RBFOX1: variants seen among roughly 807,000 people sequenced by gnomAD.
RBFOX1 encodes the protein RNA binding protein fox-1 homolog 1.
In RBFOX1, 8 loss-of-function variants were observed where a neutral mutation model predicts 57.7. The observed-to-expected ratio is 0.14, with a 90% CI of 0.08 to 0.25. The LOEUF (loss-of-function observed/expected upper bound fraction) is 0.25. Ranked by LOEUF, RBFOX1 falls within the 10% of genes least tolerant of loss-of-function variation. RBFOX1 has a pLI of 1.00. For missense variants in RBFOX1, 611 were observed against 548.5 expected (o/e 1.11, Z -1.14); for synonymous variants, 326 against 222.4 (o/e 1.47, Z -4.15).
At chr16:6,114,827 C>G (rs1321590055) in intron 1 of RBFOX1, among the ~76,000 whole-genome samples, 1 of 152,168 alleles carries the variant, frequency 6.6e-6, no homozygotes, top group African/African-American at 2.4e-5. Context: ...TGGTGTTAGA[C>G]AGCAGTCTTC....
rs374114830 is a variant in RBFOX1, at chr16:6,102,586, G to A, written c.-127+82594G>A. 2.0e-5 allele frequency among the ~76,000 whole-genome samples: 3 copies of A among 151,808 alleles called. No individual in the cohort carries two copies. The East Asian group carries it at 5.8e-4, about 30-fold the overall frequency. The stretch of plus-strand genomic sequence containing the variant: ...CTCCACCCTCCCACCCCTTCCAGCA[G>A]CTCACGCCACGTCTTCCCTCTCCCT... On this transcript the variant is annotated intron_variant, in intron 1 of 15. Transcript: ENST00000550418.
At chr16:6,257,214 CT>C (rs1361368910) in intron 1 of RBFOX1, among the ~76,000 whole-genome samples, 1 of 152,018 alleles carries the variant, frequency 6.6e-6, no homozygotes, top group Non-Finnish European at 1.5e-5. Flanking sequence ...AACCCCTCAC[CT>C]AGGTATTAAG....
intron 4 of RBFOX1, among the ~76,000 whole-genome samples, chr16:7,398,787 TCATTGTGGGG>T (rs1390929259): frequency 6.6e-6 from 1 of 152,224 alleles, no homozygotes; most frequent in Non-Finnish European, 1.5e-5. Flanking sequence ...CCAGCTATTT[TCATTGTGGGG>T]TTAGACTCCC....
intron 4 of RBFOX1, among the ~76,000 whole-genome samples, chr16:7,141,073 A>T (rs1600755691): frequency 6.6e-6 from 1 of 152,152 alleles, no homozygotes. Flanking sequence ...GAACCTCCTG[A>T]CGATGAGCTG....
intron 1 of RBFOX1, among the ~76,000 whole-genome samples, chr16:5,305,135 G>A (rs2063902089): frequency 6.6e-6 from 1 of 152,182 alleles, no homozygotes; most frequent in African/African-American, 2.4e-5. Context: ...TGAACGGGTA[G>A]CCTTACAGAA....
chr16:5,774,046 G>A (rs2054065975), intron 3 of RBFOX1, among the ~76,000 whole-genome samples: 1 of 152,178 alleles, frequency 6.6e-6, no homozygotes, highest in African/African-American at 2.4e-5. Flanking sequence ...ATAGGTCATA[G>A]TCATTTACAT....
intron 4 of RBFOX1, among the ~76,000 whole-genome samples, chr16:7,278,359 C>G (rs979898055): frequency 2.6e-5 from 4 of 152,094 alleles, no homozygotes; most frequent in African/African-American, 4.8e-5. Context: ...TAAATTTACC[C>G]AAGATCAAAA....
chr16:5,992,926 G>T (rs150324593), intron 4 of RBFOX1, among the ~76,000 whole-genome samples: 1 of 152,156 alleles, frequency 6.6e-6, no homozygotes, highest in Non-Finnish European at 1.5e-5. Context: ...GTCAGAGTAA[G>T]ACTCTGTCTC....
chr16:5,764,166 T>C (rs1375236697), intron 3 of RBFOX1, among the ~76,000 whole-genome samples: 2 of 152,148 alleles, frequency 1.3e-5, no homozygotes, highest in Non-Finnish European at 2.9e-5. Context: ...GTAGGATGAT[T>C]GCATTTGGGC....
intron 4 of RBFOX1, among the ~76,000 whole-genome samples, chr16:7,401,760 C>T (rs146895004): frequency 5.1e-4 from 77 of 152,206 alleles, no homozygotes; most frequent in Non-Finnish European, 9.9e-4. Context: ...ACTCAACAGA[C>T]ATATTGGCAC....
chr16:7,569,973 A>T (rs967433713), intron 5 of RBFOX1, among the ~76,000 whole-genome samples: 3 of 152,144 alleles, frequency 2.0e-5, no homozygotes, highest in African/African-American at 7.2e-5. Context: ...TTCACATGTC[A>T]TTTTTTCAAA....
At position 5,879,631 on chromosome 16, in the gene RBFOX1, A is replaced by G. The variant is rs117684692; in HGVS notation, c.351+12296A>G. 2.0e-4 allele frequency among the ~76,000 whole-genome samples: 31 copies of G among 152,160 alleles called. No individual in the cohort carries two copies. The East Asian group carries it at 2.1e-3, about 10-fold the overall frequency. On this transcript the variant is annotated intron_variant, in intron 4 of 19. Transcript: ENST00000641259. ...AGGCGTGAGCCACCACGCCTGATCT[A>G]TTTTCTTATTTAGTTCATACATTAG...
chr16:6,682,563 C>T (rs1027694841), intron 3 of RBFOX1, among the ~76,000 whole-genome samples: 3 of 152,022 alleles, frequency 2.0e-5, no homozygotes, highest in Non-Finnish European at 2.9e-5. Context: ...TGCTTTGCTG[C>T]GGAGAGTGTC....
intron 3 of RBFOX1, among the ~76,000 whole-genome samples, chr16:5,774,776 G>C (rs942909162): frequency 6.6e-6 from 1 of 152,076 alleles, no homozygotes; most frequent in African/African-American, 2.4e-5. Flanking sequence ...TCCACCTCCC[G>C]AGTTCAAGCA....
At chr16:5,395,582 G>T (rs1055679855) in intron 1 of RBFOX1, among the ~76,000 whole-genome samples, 1 of 152,212 alleles carries the variant, frequency 6.6e-6, no homozygotes, top group Non-Finnish European at 1.5e-5. Flanking sequence ...ATGTGGTGGA[G>T]ACGTTCAGGT....
intron 4 of RBFOX1, among the ~76,000 whole-genome samples, chr16:7,320,436 C>G (rs536370553): frequency 2.2e-4 from 33 of 152,310 alleles, no homozygotes; most frequent in African/African-American, 7.9e-4. Flanking sequence ...GCATAGTATT[C>G]CATGGTGGGT....
intron 3 of RBFOX1, among the ~76,000 whole-genome samples, chr16:5,724,665 G>A (rs2052068120): frequency 6.6e-6 from 1 of 152,096 alleles, no homozygotes; most frequent in African/African-American, 2.4e-5. Context: ...AAATAGAGAT[G>A]GTTTTTCTTC....
chr16:5,729,396 CTTTTTTTTTTTT>C, intron 3 of RBFOX1, among the ~76,000 whole-genome samples: 1 of 111,462 alleles, frequency 9.0e-6, no homozygotes. Context: ...TTTTTCTTTT[CTTTTTTTTTTTT>C]TTTTTTTGCC....
In RBFOX1 at chr16:6,503,019, A is replaced by C. The variant is rs777184471; in HGVS notation, c.-63-151584A>C. Among the ~76,000 whole-genome samples the C allele has an allele frequency of 2.6e-5, 4 of 152,204 alleles. 1 individual carries two copies. The South Asian group carries it at 8.3e-4, about 31-fold the overall frequency. On this transcript the variant is annotated intron_variant, in intron 2 of 15. Coordinates refer to ENST00000550418, the MANE Select transcript of RBFOX1 (RefSeq NM_018723.4). ...AATGTATAGATAGATAAATGGGGAAAAGGATGGTAAAAAGTAGTATAATAT... is the reference window on the plus strand; with the variant it reads ...AATGTATAGATAGATAAATGGGGAACAGGATGGTAAAAAGTAGTATAATAT...
Sources: allele counts gnomAD v4.1 joint callset (sites outside exome capture counted in the v4.1 genomes callset), GRCh38; gene constraint gnomAD v4.1.1; transcripts MANE v1.5; gene names NCBI Gene and HGNC (gene_info 2026-07-23, HGNC 2026-07-21).